SPAG17: variants seen among roughly 807,000 people sequenced by gnomAD.
SPAG17 encodes the protein sperm-associated antigen 17.
Under a neutral mutation model 273.6 loss-of-function variants are expected in SPAG17, and 169 were observed. The ratio of observed to expected loss-of-function variants is 0.62; its 90% CI spans 0.55 to 0.70. The LOEUF is 0.70. Among genes scored for constraint, SPAG17 ranks in the 30% least tolerant of loss-of-function variants. The pLI is 0.00. For missense variants in SPAG17, 2,557 were observed against 2,627.8 expected, an observed-to-expected ratio of 0.97 and a Z score of 0.59; for synonymous variants, 825 against 873.2, an observed-to-expected ratio of 0.94 and a Z score of 0.97.
intron 3 of SPAG17, among the ~76,000 whole-genome samples, chr1:118,137,198 G>C (rs140967503): frequency 1.3e-5 from 2 of 152,140 alleles, no homozygotes; most frequent in Non-Finnish European, 2.9e-5. Context: ...TTATTAGACT[G>C]TTCTGGCTTC....
At chr1:118,073,624 A>G (rs906363353) in intron 17 of SPAG17, among the ~76,000 whole-genome samples, 3 of 152,174 alleles carry the variant, frequency 2.0e-5, no homozygotes, top group Non-Finnish European at 2.9e-5. Flanking sequence ...TTTTTTTCTT[A>G]AAATATTTTA....
intron 3 of SPAG17, among the ~76,000 whole-genome samples, chr1:118,116,000 G>A (rs887867653): frequency 2.0e-5 from 3 of 152,154 alleles, no homozygotes; most frequent in African/African-American, 7.2e-5. Context: ...TGATCATGTT[G>A]GTATGCAGCC....
chr1:117,974,529 T>C lies in SPAG17; in HGVS notation c.6005-968A>G, dbSNP rs551286953. 1.9e-3 allele frequency among the ~76,000 whole-genome samples: 282 copies of C among 150,100 alleles called. 1 individual carries two copies. The highest frequency in any genetic ancestry group is 6.7e-3 in the African/African-American group (277 of 41,080). On this transcript the variant is annotated intron_variant, in intron 43 of 48. Transcript: ENST00000336338. ...TGAAAGATTTATTAAAACTAATGAG[T>C]AAAAAAAAAATCCCAAGCATTTCTT...
chr1:118,132,598 G>C (rs945176657), intron 3 of SPAG17, among the ~76,000 whole-genome samples: 3 of 152,036 alleles, frequency 2.0e-5, no homozygotes, highest in Non-Finnish European at 2.9e-5. Flanking sequence ...TTGTGTAATG[G>C]TAAACTACAC....
chr1:118,102,536 A>G (rs1656136028), intron 4 of SPAG17, among the ~76,000 whole-genome samples: 1 of 152,188 alleles, frequency 6.6e-6, no homozygotes, highest in African/African-American at 2.4e-5. Flanking sequence ...GACATAACCA[A>G]TGGTTGCTAT....
chr1:118,157,755 T>A (rs1015809753), intron 1 of SPAG17, among the ~76,000 whole-genome samples: 40 of 152,238 alleles, frequency 2.6e-4, no homozygotes, highest in African/African-American at 9.4e-4. Context: ...CTGTGCCTCA[T>A]GCATAAATGA....
chr1:118,064,604 G>A (rs1309390742), intron 18 of SPAG17, among the ~76,000 whole-genome samples: 2 of 99,810 alleles, frequency 2.0e-5, no homozygotes, highest in Non-Finnish European at 3.8e-5. Flanking sequence ...GGGGAGGGGG[G>A]AGGGATAGCA....
At chr1:118,104,601 A>C (rs1656273721) in intron 4 of SPAG17, among the ~76,000 whole-genome samples, 1 of 152,242 alleles carries the variant, frequency 6.6e-6, no homozygotes, top group South Asian at 2.1e-4. Context: ...TAGAGACTCC[A>C]ATGCTTACCA....
intron 28 of SPAG17, among the ~76,000 whole-genome samples, chr1:118,019,220 C>T (rs1483766705): frequency 1.3e-5 from 2 of 151,482 alleles, no homozygotes; most frequent in Non-Finnish European, 2.9e-5. Flanking sequence ...TTGAAATGAT[C>T]AGACACAGAA....
chr1:118,003,712 G>A (rs1259585109), intron 32 of SPAG17, among the ~76,000 whole-genome samples: 5 of 152,074 alleles, frequency 3.3e-5, no homozygotes, highest in East Asian at 3.9e-4. Flanking sequence ...TTAGCCATTC[G>A]TCTAAGCTTT....
chr1:118,003,840 T>C (rs560365556), intron 32 of SPAG17, among the ~76,000 whole-genome samples: 5 of 152,190 alleles, frequency 3.3e-5, no homozygotes, highest in Non-Finnish European at 7.3e-5. Flanking sequence ...TCAGTCTCCA[T>C]CCAGCTTTGT....
At chr1:118,165,692 T>C (rs571754400) in intron 1 of SPAG17, among the ~76,000 whole-genome samples, 13 of 134,532 alleles carry the variant, frequency 9.7e-5, no homozygotes, top group East Asian at 2.2e-4. Context: ...GTCACCCAGG[T>C]TGGACTGCAG....
chr1:118,046,075 C>T (rs932581651), intron 20 of SPAG17, among the ~76,000 whole-genome samples: 2 of 152,122 alleles, frequency 1.3e-5, no homozygotes, highest in Admixed American at 6.6e-5. Flanking sequence ...CGGTGGTTCA[C>T]GCCTGTAATT....
rs1558007667 is a variant in SPAG17 at position 118,092,955 on chromosome 1, G to A, written c.1173+201C>T. ...CATTGTACCAAGTGCTGACAAGAAG[G>A]TTCCATCCTTGCCTTTGTAAATGTC... is the stretch of plus-strand genomic sequence containing the variant. On this transcript the variant is annotated intron_variant, in intron 8 of 48. Coordinates refer to ENST00000336338, the MANE Select transcript of SPAG17 (RefSeq NM_206996.4). 6.6e-5 allele frequency among the ~76,000 whole-genome samples: 10 copies of A among 152,272 alleles called. No individual in the cohort carries two copies. In the South Asian group the frequency reaches 1.9e-3, roughly 28 times the overall value.
intron 13 of SPAG17, among the ~76,000 whole-genome samples, chr1:118,085,323 G>C (rs756278249): frequency 2.0e-5 from 3 of 152,182 alleles, no homozygotes; most frequent in Admixed American, 1.3e-4. Flanking sequence ...GATATAAGAT[G>C]AAAATTCAAA....
intron 20 of SPAG17, among the ~76,000 whole-genome samples, chr1:118,051,961 AT>A (rs1243524604): frequency 8.7e-5 from 12 of 137,650 alleles, no homozygotes; most frequent in African/African-American, 2.7e-4. Context: ...CATATATTAC[AT>A]TATGTACATA....
At chr1:118,063,423 T>C (rs1418384648) in intron 18 of SPAG17, among the ~76,000 whole-genome samples, 2 of 152,030 alleles carry the variant, frequency 1.3e-5, no homozygotes, top group Non-Finnish European at 2.9e-5. Context: ...CCCTCAGAAA[T>C]AATGCCGCCT....
At chr1:118,044,351 G>T (rs1462741799) in intron 20 of SPAG17, among the ~76,000 whole-genome samples, 1 of 152,010 alleles carries the variant, frequency 6.6e-6, no homozygotes, top group African/African-American at 2.4e-5. Flanking sequence ...TGGGTGTGGT[G>T]GTGGGCGCCT....
chr1:118,096,134 C>T (rs1406290182), intron 7 of SPAG17, among the ~76,000 whole-genome samples: 1 of 152,190 alleles, frequency 6.6e-6, no homozygotes, highest in African/African-American at 2.4e-5. Flanking sequence ...ATAACTCAAA[C>T]TGATCTCTCC....
Sources: gnomAD v4.1 joint callset for allele counts (sites outside exome capture counted in the v4.1 genomes callset) on GRCh38, gnomAD v4.1.1 for gene constraint, MANE v1.5 for transcripts, NCBI Gene and HGNC (gene_info 2026-07-23, HGNC 2026-07-21) for gene names.